IFNAR2: variants seen among roughly 807,000 people sequenced by gnomAD.
The protein encoded by IFNAR2 is interferon alpha and beta receptor subunit 2, also known as interferon alpha/beta receptor 2.
In IFNAR2, 30 loss-of-function variants were observed where a neutral mutation model predicts 49.4. That is an observed-to-expected ratio of 0.61 (90% CI 0.45 to 0.82). The LOEUF (loss-of-function observed/expected upper bound fraction) is 0.82. Ranked by LOEUF, IFNAR2 falls within the 40% of genes least tolerant of loss-of-function variation. The probability of loss-of-function intolerance (pLI) is 0.00; values close to 1 mark genes in which losing one functional copy is unlikely to be tolerated. For synonymous variants in IFNAR2, 224 were observed against 234.5 expected, an observed-to-expected ratio of 0.96 and a Z score of 0.41; for missense variants, 600 against 622.7, an observed-to-expected ratio of 0.96 and a Z score of 0.39.
chr21:33,256,962 A>G (rs1301226247), intron 7 of IFNAR2, among the ~76,000 whole-genome samples: 1 of 152,214 alleles, frequency 6.6e-6, no homozygotes, highest in Admixed American at 6.5e-5. Flanking sequence ...TGCATTTGCT[A>G]GAAGCAGAGC....
rs1340540237 is a variant in IFNAR2, at chr21:33,264,413, A to G, written c.*913A>G. The G allele has an allele frequency of 6.6e-6, 1 of 152,016 alleles. No homozygotes were observed. Among genetic ancestry groups the G allele is most frequent in the Non-Finnish European group, 1.5e-5 (1 of 68,002 alleles). The allele number at this position is 152,016 out of a possible 1,614,324, so 9.4% of individuals were successfully genotyped here. A position where few individuals can be genotyped will look rare whatever the true frequency, so the allele number is the denominator to read the frequency against. On this transcript the variant is annotated 3_prime_UTR_variant, in exon 9 of 9. Transcript: ENST00000342136. ...CCACCTTGTCCAGCCCTCCCCAGTT[A>G]AAGTGGGGAAGACAGACTTTAGGAT...
chr21:33,261,654 CATTTGAGCCCAGGAG>C, intron 8 of IFNAR2, among the ~76,000 whole-genome samples: 1 of 152,082 alleles, frequency 6.6e-6, no homozygotes, highest in Admixed American at 6.6e-5. Flanking sequence ...GCGGGTGGAT[CATTTGAGCCCAGGAG>C]TTTGAGACCA....
At chr21:33,252,915 A>G (rs1568890205) in intron 7 of IFNAR2, 85 bp downstream of exon 7, 1 of 1,110,530 alleles carries the variant, frequency 9.0e-7, no homozygotes, top group Non-Finnish European at 1.4e-6. Flanking sequence ...GAATCTGAAA[A>G]GAATTCATGG....
intron 8 of IFNAR2, among the ~76,000 whole-genome samples, chr21:33,261,001 TATCTGTGC>T (rs145724524): frequency 0.34 from 47,983 of 141,934 alleles, 8,514 homozygotes; most frequent in East Asian, 0.58. Context: ...GTTGTAAGTG[TATCTGTGC>T]ATCTGTGCAT....
At position 33,245,126 on chromosome 21, in the gene IFNAR2, A is replaced by G. The variant is rs769614533; in HGVS notation, c.221+52A>G. On this transcript the variant is annotated intron_variant, in intron 4 of 8. Transcript: ENST00000342136. ...GGTAAACATATTATTGTTCTGTTAT[A>G]TGGGGAGAGGTGATCTTTTCTCTCT... The G allele has an allele frequency of 7.5e-6, 10 of 1,339,364 alleles. No individual in the cohort carries two copies. The South Asian group carries it at 1.1e-4, about 14-fold the overall frequency. 83.0% of individuals were successfully genotyped at this position (1,339,364 alleles called of 1,614,324 possible).
chr21:33,251,533 G>A, intron 6 of IFNAR2: 1 of 985,052 alleles, frequency 1.0e-6, no homozygotes, highest in African/African-American at 1.7e-5. Context: ...GCCACTGGAG[G>A]GGAAGCTTTT....
Position 33,230,367 on chromosome 21 carries a change from C to T in IFNAR2, c.-84+151C>T. The T allele has an allele frequency of 1.6e-6, 1 of 637,346 alleles. No individual in the cohort carries two copies. Among genetic ancestry groups the T allele is most frequent in the Non-Finnish European group, 2.3e-6 (1 of 441,534 alleles). 39.5% of individuals were successfully genotyped at this position (637,346 alleles called of 1,614,324 possible). A position where few individuals can be genotyped will look rare whatever the true frequency, so the allele number is the denominator to read the frequency against. ...TCCTCCTCCTGCCCTCCCTCTGCGT[C>T]TTGAGTATGCGGCTAGTGCGCCCTT... On this transcript the variant is annotated intron_variant, in intron 1 of 8. Transcript: ENST00000342136. The surrounding 1 kb of genome is among the most constrained non-coding windows in gnomAD (Gnocchi z 5.5).
At chr21:33,231,774 C>T in intron 1 of IFNAR2, 2 of 771,026 alleles carry the variant, frequency 2.6e-6, no homozygotes. Flanking sequence ...CAAAGTCTCG[C>T]TCTGTCGCGC....
intron 7 of IFNAR2, among the ~76,000 whole-genome samples, chr21:33,260,035 A>G (rs1291936708): frequency 6.6e-6 from 1 of 152,214 alleles, no homozygotes. Flanking sequence ...GAAAATAACT[A>G]TGGTCAGTCA....
At chr21:33,238,159 C>G (rs954259116) in intron 1 of IFNAR2, among the ~76,000 whole-genome samples, 6 of 152,196 alleles carry the variant, frequency 3.9e-5, no homozygotes, top group African/African-American at 1.4e-4. Context: ...CGTTGTCAGT[C>G]CTCCACATAG....
At chr21:33,254,949 T>C (rs1052553584) in intron 7 of IFNAR2, among the ~76,000 whole-genome samples, 1 of 152,228 alleles carries the variant, frequency 6.6e-6, no homozygotes, top group Non-Finnish European at 1.5e-5. Context: ...CAAAGTGATA[T>C]GGTCACTTGT....
intron 7 of IFNAR2, among the ~76,000 whole-genome samples, chr21:33,254,839 T>C (rs770386339): frequency 6.6e-6 from 1 of 152,204 alleles, no homozygotes; most frequent in Non-Finnish European, 1.5e-5. Flanking sequence ...CCAAGGGTTC[T>C]CGGGATCTCC....
chr21:33,244,975 T>G lies in IFNAR2; in HGVS notation c.122T>G (p.Phe41Cys). 1 of 1,612,802 alleles carries G rather than the reference T, an allele frequency of 6.2e-7. No individual in the cohort carries two copies. Among genetic ancestry groups the G allele is most frequent in the Non-Finnish European group, 8.5e-7 (1 of 1,178,826 alleles). The change falls in exon 4 of 9, where the codon TTC (phenylalanine) becomes TGC (cysteine). Residue 41 changes from phenylalanine to cysteine, a missense_variant. Phe to Cys is a radical substitution (Grantham distance 205). Coordinates refer to ENST00000342136, the MANE Select transcript of IFNAR2 (RefSeq NM_001289125.3). Reference protein sequence around the residue: ...SPDYTDESCTFKISLRNFRSI... With the variant: ...SPDYTDESCTCKISLRNFRSI... Reference sequence around the variant, plus strand: ...GATTACACAGATGAATCTTGCACTTTCAAGATATCATTGCGAAATTTCCGG... The same window carrying G: ...GATTACACAGATGAATCTTGCACTTGCAAGATATCATTGCGAAATTTCCGG...
intron 1 of IFNAR2, among the ~76,000 whole-genome samples, chr21:33,235,921 T>C (rs1671581911): frequency 6.6e-6 from 1 of 152,002 alleles, no homozygotes; most frequent in Admixed American, 6.5e-5. Flanking sequence ...AGTGAGACTC[T>C]GTCTCAAAAA....
At chr21:33,245,121 G>A in intron 4 of IFNAR2, 47 bp downstream of exon 4, 1 of 1,372,982 alleles carries the variant, frequency 7.3e-7, no homozygotes, top group Non-Finnish European at 1.0e-6. Flanking sequence ...TTATTGTTCT[G>A]TTATATGGGG....
chr21:33,230,622 C>T lies in IFNAR2; in HGVS notation c.-84+406C>T. 1 of 469,880 alleles carries T rather than the reference C, an allele frequency of 2.1e-6. No homozygotes were observed. The highest frequency in any genetic ancestry group is 1.6e-5 in the South Asian group (1 of 64,382). 29.1% of individuals were successfully genotyped at this position (469,880 alleles called of 1,614,324 possible). ...TCCACCCCGCCTTGCAAAACCGGCT[C>T]ACCAGCTGGGTGCTCAGGTTCGGGA... On this transcript the variant is annotated intron_variant, in intron 1 of 8. Transcript: ENST00000342136. The surrounding 1 kb of genome is among the most constrained non-coding windows in gnomAD (Gnocchi z 5.5).
In IFNAR2 at chr21:33,230,662, C is replaced by T. The variant is rs1601779345; in HGVS notation, c.-84+446C>T. 2.2e-6 allele frequency: 1 copy of T among 460,786 alleles called. No homozygotes were observed. The highest frequency in any genetic ancestry group is 4.5e-6 in the Non-Finnish European group (1 of 221,872). 28.5% of individuals were successfully genotyped at this position (460,786 alleles called of 1,614,324 possible). A position where few individuals can be genotyped will look rare whatever the true frequency, so the allele number is the denominator to read the frequency against. The stretch of plus-strand genomic sequence containing the variant: ...CAGGTTCGGGATCTCCAGCCCGCCC[C>T]CTTGAGGTCCCCTGGGATTAGCCCC... On this transcript the variant is annotated intron_variant, in intron 1 of 8. Transcript: ENST00000342136. This position sits in a 1 kb window ranked among gnomAD's most constrained non-coding sequence, Gnocchi z 5.5.
rs751307721 is a variant in IFNAR2 at position 33,262,985 on chromosome 21, A to G, written c.1033A>G (p.Arg345Gly). 1.2e-6 allele frequency: 2 copies of G among 1,614,188 alleles called. No homozygotes were observed. Among genetic ancestry groups the G allele is most frequent in the Non-Finnish European group, 8.5e-7 (1 of 1,180,024 alleles). ...GGYTMHGLTVRPLGQASATST... is the reference protein window; with the variant it reads ...GGYTMHGLTVGPLGQASATST... ...CTATACCATGCATGGACTGACTGTC[A>G]GGCCTCTGGGTCAGGCCTCTGCCAC... The change falls in exon 9 of 9, where the codon AGG becomes GGG. Residue 345 changes from arginine (R) to glycine (G), a missense_variant. Physicochemically the swap from Arg to Gly is moderately radical, Grantham distance 125. Coordinates refer to ENST00000342136, the MANE Select transcript of IFNAR2 (RefSeq NM_001289125.3).
At chr21:33,233,182 G>T (rs1986186226) in intron 1 of IFNAR2, among the ~76,000 whole-genome samples, 1 of 152,090 alleles carries the variant, frequency 6.6e-6, no homozygotes, top group Non-Finnish European at 1.5e-5. Context: ...TCAGGAGAAA[G>T]AACAGAAGCA....
Sources: allele counts gnomAD v4.1 joint callset (sites outside exome capture counted in the v4.1 genomes callset), GRCh38; gene constraint gnomAD v4.1.1; non-coding constraint Gnocchi (gnomAD v3.1); transcripts MANE v1.5; gene names NCBI Gene and HGNC (gene_info 2026-07-23, HGNC 2026-07-21).